Variants in CAMK1D observed in about 807,000 individuals in gnomAD.
The protein encoded by CAMK1D is calcium/calmodulin-dependent protein kinase type 1D.
A neutral mutation model predicts 47.7 loss-of-function variants in CAMK1D; 9 were observed. The ratio of observed to expected loss-of-function variants is 0.19; its 90% CI spans 0.11 to 0.33. The LOEUF (loss-of-function observed/expected upper bound fraction) is 0.33, where lower values mean the gene tolerates loss of function less well. Among genes scored for constraint, CAMK1D ranks in the 10% least tolerant of loss-of-function variants. The pLI is 1.00. For synonymous variants in CAMK1D, 184 were observed against 184.9 expected, an observed-to-expected ratio of 0.99 and a Z score of 0.04; for missense variants, 291 against 488.7, an observed-to-expected ratio of 0.60 and a Z score of 3.81.
intron 2 of CAMK1D, among the ~76,000 whole-genome samples, chr10:12,629,490 G>T (rs1360997610): frequency 6.6e-6 from 1 of 152,170 alleles, no homozygotes; most frequent in Non-Finnish European, 1.5e-5. Flanking sequence ...CTTGTGTGTT[G>T]TCCCCATGTC....
At chr10:12,486,504 T>C (rs950631879) in intron 1 of CAMK1D, among the ~76,000 whole-genome samples, 2 of 147,604 alleles carry the variant, frequency 1.4e-5, no homozygotes, top group African/African-American at 2.5e-5. Context: ...TCATGCACCA[T>C]GTACCCACGT....
intron 3 of CAMK1D, among the ~76,000 whole-genome samples, chr10:12,740,092 A>G (rs2130842658): frequency 6.6e-6 from 1 of 152,162 alleles, no homozygotes; most frequent in South Asian, 2.1e-4. Context: ...TTATTTCTCC[A>G]CCTTCCTTCT....
intron 3 of CAMK1D, among the ~76,000 whole-genome samples, chr10:12,732,507 T>C (rs995861917): frequency 6.6e-6 from 1 of 152,044 alleles, no homozygotes; most frequent in Non-Finnish European, 1.5e-5. Flanking sequence ...GGCCTCAGAA[T>C]CGTGGCGGGA....
chr10:12,828,110 T>G (rs1033902119), intron 10 of CAMK1D, among the ~76,000 whole-genome samples: 1 of 152,216 alleles, frequency 6.6e-6, no homozygotes, highest in African/African-American at 2.4e-5. Context: ...TTATAAGAAG[T>G]GGACAATTCG....
intron 2 of CAMK1D, among the ~76,000 whole-genome samples, chr10:12,570,402 G>A (rs1837286628): frequency 1.3e-5 from 2 of 151,800 alleles, no homozygotes; most frequent in Admixed American, 1.3e-4. Flanking sequence ...TGAGGGGCTG[G>A]GCGCAGTGGC....
chr10:12,775,083 A>C (rs1437423876), intron 5 of CAMK1D, among the ~76,000 whole-genome samples: 3 of 117,870 alleles, frequency 2.5e-5, no homozygotes, highest in African/African-American at 9.8e-5. Context: ...GAGAAGGCTC[A>C]GGCATTGATC....
At chr10:12,648,136 AT>A (rs1242337593) in intron 2 of CAMK1D, among the ~76,000 whole-genome samples, 2 of 152,204 alleles carry the variant, frequency 1.3e-5, no homozygotes, top group Non-Finnish European at 2.9e-5. Context: ...TAAAAAAGCT[AT>A]TTTTTATAGA....
chr10:12,696,520 G>C (rs1020371060), intron 3 of CAMK1D, among the ~76,000 whole-genome samples: 1 of 152,192 alleles, frequency 6.6e-6, no homozygotes, highest in Non-Finnish European at 1.5e-5. Flanking sequence ...CTGGGCAACA[G>C]AGCGAGACTC....
At chr10:12,352,134 T>C (rs1276471888) in intron 1 of CAMK1D, among the ~76,000 whole-genome samples, 1 of 152,206 alleles carries the variant, frequency 6.6e-6, no homozygotes, top group African/African-American at 2.4e-5. Context: ...GAGATAATTA[T>C]GTGAGCTACC....
rs559510551 is a variant in CAMK1D, at chr10:12,522,827, G to A, written c.93-30398G>A. Among the ~76,000 whole-genome samples the A allele has an allele frequency of 1.6e-3, 61 of 39,308 alleles. 6 individuals are homozygous for A. Among genetic ancestry groups the A allele is most frequent in the Middle Eastern group, 0.014 (1 of 70 alleles). The allele number at this position is 39,308 out of a possible 152,430, so 25.8% of individuals were successfully genotyped here. A position where few individuals can be genotyped will look rare whatever the true frequency, so the allele number is the denominator to read the frequency against. ...ACGGGGCGGCTGGCCGGGCGGAGGCGCCCCCCACCTCCCTCCCGGACAGGG... is the reference window on the plus strand; with the variant it reads ...ACGGGGCGGCTGGCCGGGCGGAGGCACCCCCCACCTCCCTCCCGGACAGGG... On this transcript the variant is annotated intron_variant, in intron 1 of 10. Coordinates refer to ENST00000619168, the MANE Select transcript of CAMK1D (RefSeq NM_153498.4).
intron 6 of CAMK1D, among the ~76,000 whole-genome samples, chr10:12,807,307 C>T (rs1027505059): frequency 5.3e-5 from 8 of 152,192 alleles, no homozygotes; most frequent in Admixed American, 6.5e-5. Flanking sequence ...TGCACAGCTT[C>T]GTGTGGAATG....
intron 3 of CAMK1D, among the ~76,000 whole-genome samples, chr10:12,720,824 T>G (rs1297118693): frequency 6.6e-6 from 1 of 152,256 alleles, no homozygotes; most frequent in African/African-American, 2.4e-5. Flanking sequence ...AAGCCTGTTG[T>G]GTGCCTTGTC....
intron 1 of CAMK1D, among the ~76,000 whole-genome samples, chr10:12,477,196 A>G (rs1317461636): frequency 3.9e-5 from 6 of 152,168 alleles, no homozygotes; most frequent in Non-Finnish European, 8.8e-5. Context: ...CGGGCAGATC[A>G]CTGGAGGTCA....
intron 1 of CAMK1D, among the ~76,000 whole-genome samples, chr10:12,408,436 G>A (rs1839527552): frequency 1.3e-5 from 2 of 152,110 alleles, no homozygotes; most frequent in Non-Finnish European, 1.5e-5. Context: ...GCCTCCCAAA[G>A]TGCTGGGATT....
At chr10:12,699,044 G>A (rs990352448) in intron 3 of CAMK1D, among the ~76,000 whole-genome samples, 6 of 152,036 alleles carry the variant, frequency 3.9e-5, no homozygotes, top group Non-Finnish European at 7.4e-5. Flanking sequence ...TAAGGGGGAT[G>A]CCTAATGATG....
At chr10:12,561,761 C>T (rs1588634600) in intron 2 of CAMK1D, among the ~76,000 whole-genome samples, 1 of 152,146 alleles carries the variant, frequency 6.6e-6, no homozygotes, top group East Asian at 1.9e-4. Context: ...GGTGTTTTGT[C>T]CCTTGCAAAA....
chr10:12,700,507 G>A (rs1039990051), intron 3 of CAMK1D, among the ~76,000 whole-genome samples: 15 of 152,174 alleles, frequency 9.9e-5, no homozygotes, highest in Admixed American at 1.3e-4. Context: ...GGGAACTACA[G>A]TTCAAGATGA....
chr10:12,540,628 G>T (rs780351394), intron 1 of CAMK1D, among the ~76,000 whole-genome samples: 8 of 152,206 alleles, frequency 5.3e-5, no homozygotes, highest in Admixed American at 2.0e-4. Context: ...TGCCCTGGTG[G>T]TTTCAGACAT....
At chr10:12,694,031 A>G (rs1588802610) in intron 3 of CAMK1D, among the ~76,000 whole-genome samples, 1 of 73,196 alleles carries the variant, frequency 1.4e-5, no homozygotes, top group Non-Finnish European at 2.4e-5. Context: ...TATAATATAT[A>G]TAAAATATAC....
Sources: allele counts gnomAD v4.1 joint callset (sites outside exome capture counted in the v4.1 genomes callset), GRCh38; gene constraint gnomAD v4.1.1; transcripts MANE v1.5; gene names NCBI Gene and HGNC (gene_info 2026-07-23, HGNC 2026-07-21).